Variants in TMEM120B observed in about 807,000 individuals in gnomAD.
The protein encoded by TMEM120B is transmembrane protein 120B.
In TMEM120B, 31 loss-of-function variants were observed where a neutral mutation model predicts 55.5. That is an observed-to-expected ratio of 0.56 (90% CI 0.42 to 0.75). The LOEUF is 0.75. Among genes scored for constraint, TMEM120B ranks in the 30% least tolerant of loss-of-function variants. TMEM120B has a pLI of 0.00. For synonymous variants in TMEM120B, 203 were observed against 176.3 expected (o/e 1.15, Z -1.20); for missense variants, 399 against 425.5 (o/e 0.94, Z 0.55).
chr12:121,769,862 G>GA (rs1237431274), intron 6 of TMEM120B, among the ~76,000 whole-genome samples: 1 of 152,056 alleles, frequency 6.6e-6, no homozygotes, highest in Admixed American at 6.6e-5. Context: ...TGGGAGAGGG[G>GA]GCAGATCACA....
In TMEM120B at chr12:121,743,620, G is replaced by A. The variant is rs367790481; in HGVS notation, c.70-9G>A. 49 of 1,611,970 alleles carry A rather than the reference G, an allele frequency of 3.0e-5. No homozygotes were observed. The highest frequency in any genetic ancestry group is 5.9e-6 in the Non-Finnish European group (7 of 1,178,902). ...CCACACACCCTCCCCCGGGTCCCCT[G>A]TTCTTCAGGAGACGCACAGGATCTA... On this transcript the variant is annotated splice_polypyrimidine_tract_variant and intron_variant, in intron 1 of 11. Transcript: ENST00000449592.
At position 121,779,612 on chromosome 12, in the gene TMEM120B, G is replaced by A. The variant is rs777689739; in HGVS notation, c.*3890G>A. 8.7e-6 allele frequency: 14 copies of A among 1,614,208 alleles called. No individual in the cohort carries two copies. The highest frequency in any genetic ancestry group is 5.5e-5 in the South Asian group (5 of 91,088). On this transcript the variant is annotated 3_prime_UTR_variant, in exon 12 of 12. Coordinates refer to ENST00000449592, the MANE Select transcript of TMEM120B (RefSeq NM_001080825.2). The stretch of plus-strand genomic sequence containing the variant: ...CCTCCACATTCTCCCGAAACTTGGC[G>A]GAACATTCCAGGTAGAGAGCAGCTC...
intron 1 of TMEM120B, among the ~76,000 whole-genome samples, chr12:121,739,270 A>G (rs1296349841): frequency 6.6e-6 from 1 of 152,144 alleles, no homozygotes; most frequent in Non-Finnish European, 1.5e-5. Flanking sequence ...GAGTAAAGAG[A>G]TATGAACAGT....
At position 121,775,511 on chromosome 12, in the gene TMEM120B, A is replaced by C; in HGVS notation, c.907-98A>C. On this transcript the variant is annotated intron_variant, in intron 11 of 11. Coordinates refer to ENST00000449592, the MANE Select transcript of TMEM120B (RefSeq NM_001080825.2). The surrounding 1 kb of genome is among the most constrained non-coding windows in gnomAD (Gnocchi z 4.3). ...CGATGGCAAAACCCTGCAGTTTGGG[A>C]GTTTGGGGGCAGCTGTGCTGGAGAT... 1 of 1,494,320 alleles carries C rather than the reference A, an allele frequency of 6.7e-7. No homozygotes were observed. Among genetic ancestry groups the C allele is most frequent in the Non-Finnish European group, 8.9e-7 (1 of 1,126,024 alleles). 92.6% of individuals were successfully genotyped at this position (1,494,320 alleles called of 1,614,324 possible).
At position 121,779,019 on chromosome 12, in the gene TMEM120B, G is replaced by A. The variant is rs1027563744; in HGVS notation, c.*3297G>A. 1.9e-5 allele frequency: 3 copies of A among 161,346 alleles called. No individual in the cohort carries two copies. The highest frequency in any genetic ancestry group is 1.7e-4 in the East Asian group (1 of 5,790). 10.0% of individuals were successfully genotyped at this position (161,346 alleles called of 1,614,324 possible). A position where few individuals can be genotyped will look rare whatever the true frequency, so the allele number is the denominator to read the frequency against. Reference sequence around the variant, plus strand: ...TCCTCCTGATAGGCCCAGCCCCCTCGGTGGCCTCCGTGTTCCTGGGGGAAG... The same window carrying A: ...TCCTCCTGATAGGCCCAGCCCCCTCAGTGGCCTCCGTGTTCCTGGGGGAAG... On this transcript the variant is annotated 3_prime_UTR_variant, in exon 12 of 12. Coordinates refer to ENST00000449592, the MANE Select transcript of TMEM120B (RefSeq NM_001080825.2).
At chr12:121,732,520 T>TCCGTG (rs1839274974) in intron 1 of TMEM120B, among the ~76,000 whole-genome samples, 1 of 152,176 alleles carries the variant, frequency 6.6e-6, no homozygotes, top group Non-Finnish European at 1.5e-5. Flanking sequence ...GGATTAACCA[T>TCCGTG]TCTTATCCAG....
chr12:121,770,110 A>T (rs1431134473), intron 6 of TMEM120B, among the ~76,000 whole-genome samples: 2 of 152,108 alleles, frequency 1.3e-5, no homozygotes, highest in African/African-American at 2.4e-5. Flanking sequence ...TAGCTGTAGG[A>T]AGTACCGCCC....
In TMEM120B at chr12:121,780,833, C is replaced by G; in HGVS notation, c.*5111C>G. ...GAGGCCAAAGGTCCGGGAGGCTTCA[C>G]AGCCACGGCTGTGCCCCAGGGTCTT... On this transcript the variant is annotated 3_prime_UTR_variant, in exon 12 of 12. Coordinates refer to ENST00000449592, the MANE Select transcript of TMEM120B (RefSeq NM_001080825.2). 1 of 1,593,218 alleles carries G rather than the reference C, an allele frequency of 6.3e-7. No individual in the cohort carries two copies. Among genetic ancestry groups the G allele is most frequent in the African/African-American group, 1.3e-5 (1 of 74,326 alleles).
chr12:121,749,109 C>T (rs796503060), intron 3 of TMEM120B, among the ~76,000 whole-genome samples: 10 of 152,248 alleles, frequency 6.6e-5, no homozygotes, highest in African/African-American at 1.9e-4. Flanking sequence ...GAGTCAGAGC[C>T]GTGCATTAGG....
rs1874410191 is a variant in TMEM120B, at chr12:121,780,503, A to G, written c.*4781A>G. The G allele has an allele frequency of 7.8e-6, 3 of 384,390 alleles. No individual in the cohort carries two copies. The South Asian group carries it at 2.4e-4, about 31-fold the overall frequency. 23.8% of individuals were successfully genotyped at this position (384,390 alleles called of 1,614,324 possible). A position where few individuals can be genotyped will look rare whatever the true frequency, so the allele number is the denominator to read the frequency against. Reference sequence around the variant, plus strand: ...GGGGACGCCTACTTTCAAACAAGGCAGACAGGACACGACAGGACGGCGGCT... The same window carrying G: ...GGGGACGCCTACTTTCAAACAAGGCGGACAGGACACGACAGGACGGCGGCT... On this transcript the variant is annotated 3_prime_UTR_variant, in exon 12 of 12. Coordinates refer to ENST00000449592, the MANE Select transcript of TMEM120B (RefSeq NM_001080825.2).
chr12:121,729,988 C>T (rs1170641785), intron 1 of TMEM120B, among the ~76,000 whole-genome samples: 2 of 150,990 alleles, frequency 1.3e-5, no homozygotes, highest in African/African-American at 4.9e-5. Context: ...TGGCCAGGTG[C>T]GGTGGCTCAC....
chr12:121,749,916 A>AG (rs1873220913), intron 3 of TMEM120B, among the ~76,000 whole-genome samples: 1 of 151,796 alleles, frequency 6.6e-6, no homozygotes. Flanking sequence ...AAAAAAAAAA[A>AG]AAAACAAAAA....
chr12:121,769,012 G>T (rs547417907), intron 6 of TMEM120B, among the ~76,000 whole-genome samples: 1 of 152,102 alleles, frequency 6.6e-6, no homozygotes, highest in African/African-American at 2.4e-5. Context: ...CAGGTGTGGT[G>T]GCAGGCGCCT....
intron 8 of TMEM120B, 54 bp from the exon 9 acceptor site, chr12:121,773,367 C>A: frequency 1.3e-6 from 2 of 1,523,222 alleles, no homozygotes; most frequent in South Asian, 1.2e-5. Context: ...GAGGTGTGGC[C>A]CTGTCTTCCG....
At chr12:121,717,598 C>T (rs1434779542) in intron 1 of TMEM120B, among the ~76,000 whole-genome samples, 4 of 152,168 alleles carry the variant, frequency 2.6e-5, no homozygotes, top group African/African-American at 9.6e-5. Context: ...CTAGGCTCAT[C>T]TGTGCCCTGA....
intron 6 of TMEM120B, among the ~76,000 whole-genome samples, chr12:121,765,280 C>T (rs985268957): frequency 6.6e-6 from 1 of 152,010 alleles, no homozygotes; most frequent in African/African-American, 2.4e-5. Context: ...GAGGTGCACA[C>T]CACCATGCCT....
chr12:121,779,882 C>G lies in TMEM120B; in HGVS notation c.*4160C>G, dbSNP rs1044313377. On this transcript the variant is annotated 3_prime_UTR_variant, in exon 12 of 12. Transcript: ENST00000449592. ...TTGGAAGAAGCCCTGTCCAGGCCCC[C>G]ACCCTGGCCTCTCTCCAGCTCCGGG... The G allele has an allele frequency of 9.1e-6, 5 of 550,986 alleles. No homozygotes were observed. Among genetic ancestry groups the G allele is most frequent in the Non-Finnish European group, 1.6e-5 (5 of 308,742 alleles). The allele number at this position is 550,986 out of a possible 1,614,324, so 34.1% of individuals were successfully genotyped here.
At chr12:121,744,204 A>C (rs895521848) in intron 2 of TMEM120B, among the ~76,000 whole-genome samples, 1 of 152,070 alleles carries the variant, frequency 6.6e-6, no homozygotes, top group African/African-American at 2.4e-5. Context: ...GATTACAGGC[A>C]TGAGCCACTG....
chr12:121,768,261 C>G (rs899203728), intron 6 of TMEM120B, among the ~76,000 whole-genome samples: 2 of 152,352 alleles, frequency 1.3e-5, no homozygotes, highest in African/African-American at 4.8e-5. Context: ...CTGCTGCTTT[C>G]ACCAGCCACA....
Sources: gnomAD v4.1 joint callset for allele counts (sites outside exome capture counted in the v4.1 genomes callset) on GRCh38, gnomAD v4.1.1 for gene constraint, Gnocchi (gnomAD v3.1) non-coding constraint, MANE v1.5 for transcripts, NCBI Gene and HGNC (gene_info 2026-07-23, HGNC 2026-07-21) for gene names.